The following CAST variants were observed in gnomAD, a reference collection of about 807,000 sequenced individuals.
CAST encodes calpastatin.
A neutral mutation model predicts 119.6 loss-of-function variants in CAST; 76 were observed. The ratio of observed to expected loss-of-function variants is 0.64; its 90% confidence interval spans 0.53 to 0.77. The LOEUF is 0.77. Among genes scored for constraint, CAST ranks in the 30% least tolerant of loss-of-function variants. The pLI, the probability that CAST is intolerant of heterozygous loss-of-function variation, is 0.00. For missense variants in CAST, 953 were observed against 946.5 expected (o/e 1.01, Z -0.09); for synonymous variants, 319 against 331.6 (o/e 0.96, Z 0.41).
At chr5:96,200,608 AC>A in the CAST span, among the ~76,000 whole-genome samples, 14 of 152,122 alleles carry the variant, frequency 9.2e-5, no homozygotes, top group African/African-American at 3.1e-4. Context: ...TTTAATTCTT[AC>A]CTGTTAATTG....
chr5:96,256,796 A>T, the CAST span, among the ~76,000 whole-genome samples: 2 of 152,036 alleles, frequency 1.3e-5, no homozygotes, highest in Non-Finnish European at 2.9e-5. Context: ...CCTCTTTATT[A>T]TTTTCCTGTT....
At chr5:96,249,995 A>G in the CAST span, among the ~76,000 whole-genome samples, 2 of 152,048 alleles carry the variant, frequency 1.3e-5, no homozygotes, top group South Asian at 2.1e-4. Context: ...GCTTTCACCT[A>G]TCCTCCTGGT....
the CAST span, among the ~76,000 whole-genome samples, chr5:96,043,306 A>G: frequency 2.0e-5 from 3 of 152,212 alleles, no homozygotes; most frequent in Non-Finnish European, 4.4e-5. Flanking sequence ...GTGTCATAAA[A>G]TTAACCTCAT....
the CAST span, among the ~76,000 whole-genome samples, chr5:96,479,863 A>G: frequency 4.6e-5 from 7 of 152,124 alleles, no homozygotes; most frequent in African/African-American, 1.7e-4. Flanking sequence ...CCTAAAGAAG[A>G]GTAATATTTT....
intron 1 of CAST, among the ~76,000 whole-genome samples, chr5:96,565,943 G>T (rs1746459721): frequency 6.6e-6 from 1 of 152,148 alleles, no homozygotes; most frequent in African/African-American, 2.4e-5. Flanking sequence ...AAATATCATG[G>T]CAGGAGCCCA....
chr5:96,116,637 A>G, the CAST span, among the ~76,000 whole-genome samples: 1 of 152,098 alleles, frequency 6.6e-6, no homozygotes, highest in African/African-American at 2.4e-5. Context: ...TTCTTGTTGT[A>G]GTTTTAATGT....
At chr5:96,148,042 T>A in the CAST span, among the ~76,000 whole-genome samples, 1 of 152,236 alleles carries the variant, frequency 6.6e-6, no homozygotes, top group African/African-American at 2.4e-5. Flanking sequence ...TCTGGAATTC[T>A]TTTCTTACGG....
the CAST span, among the ~76,000 whole-genome samples, chr5:96,336,377 G>T: frequency 6.6e-6 from 1 of 152,104 alleles, no homozygotes; most frequent in Non-Finnish European, 1.5e-5. Context: ...GGGAGAGAGG[G>T]AAAAAGAGAA....
At chr5:96,044,639 T>C in the CAST span, among the ~76,000 whole-genome samples, 1 of 152,160 alleles carries the variant, frequency 6.6e-6, no homozygotes, top group Non-Finnish European at 1.5e-5. Context: ...TACCTATGTG[T>C]CCCAAAGACA....
intron 1 of CAST, among the ~76,000 whole-genome samples, chr5:96,550,562 A>T (rs1361247442): frequency 1.3e-5 from 2 of 152,216 alleles, no homozygotes; most frequent in Non-Finnish European, 2.9e-5. Context: ...ACAGAGAATG[A>T]GTTTGACGAG....
chr5:96,002,080 C>A, the CAST span, among the ~76,000 whole-genome samples: 1 of 152,220 alleles, frequency 6.6e-6, no homozygotes, highest in African/African-American at 2.4e-5. Context: ...ATTCAGCTTA[C>A]ATTTTATTCA....
chr5:96,561,855 C>G (rs1481905898), intron 1 of CAST, among the ~76,000 whole-genome samples: 2 of 118,852 alleles, frequency 1.7e-5, no homozygotes, highest in Admixed American at 1.0e-4. Context: ...TGCAGTGGCG[C>G]GATCTCGGCT....
the CAST span, among the ~76,000 whole-genome samples, chr5:96,249,738 T>A: frequency 6.6e-6 from 1 of 152,190 alleles, no homozygotes; most frequent in African/African-American, 2.4e-5. Flanking sequence ...ATTCACTCTA[T>A]CAAACAGAAA....
the CAST span, among the ~76,000 whole-genome samples, chr5:96,053,195 A>T: frequency 5.3e-5 from 8 of 152,192 alleles, no homozygotes; most frequent in Non-Finnish European, 8.8e-5. Context: ...AGGAGCCTGA[A>T]AAACTACTAA....
At chr5:96,769,235 C>G (rs1771229686) in intron 29 of CAST, 1 of 152,164 alleles carries the variant, frequency 6.6e-6, no homozygotes, top group Non-Finnish European at 1.5e-5. Flanking sequence ...AGCTTAATTT[C>G]TAGACCACTT....
At chr5:96,247,077 GGGTTTGACTGGTTTT>G in the CAST span, among the ~76,000 whole-genome samples, 1 of 152,108 alleles carries the variant, frequency 6.6e-6, no homozygotes, top group Non-Finnish European at 1.5e-5. Context: ...ATTTTATTTG[GGGTTTGACTGGTTTT>G]GGTTTGCCTG....
At chr5:96,040,451 A>G in the CAST span, among the ~76,000 whole-genome samples, 1 of 152,132 alleles carries the variant, frequency 6.6e-6, no homozygotes, top group South Asian at 2.1e-4. Flanking sequence ...GTCTTGTGCC[A>G]GTTTTCAAAG....
At chr5:96,702,972 C>T in intron 3 of CAST, 1 of 983,194 alleles carries the variant, frequency 1.0e-6, no homozygotes, top group Non-Finnish European at 1.2e-6. Flanking sequence ...GGGTCTAGGG[C>T]CTGTGCCCCC....
chr5:96,208,186 T>C, the CAST span, among the ~76,000 whole-genome samples: 1 of 151,852 alleles, frequency 6.6e-6, no homozygotes, highest in Non-Finnish European at 1.5e-5. Context: ...TCATTTCTGA[T>C]TGTGTTTATT....
Sources: allele counts gnomAD v4.1 joint callset (sites outside exome capture counted in the v4.1 genomes callset), GRCh38; gene constraint gnomAD v4.1.1; transcripts MANE v1.5; gene names NCBI Gene and HGNC (gene_info 2026-07-23, HGNC 2026-07-21).